CCDC102B: variants seen among roughly 807,000 people sequenced by gnomAD.
The protein encoded by CCDC102B is coiled-coil domain containing 102B, also known as coiled-coil domain-containing protein 102B.
A neutral mutation model predicts 57.4 loss-of-function variants in CCDC102B; 75 were observed. The observed-to-expected ratio is 1.31, with a 90% CI of 1.08 to 1.58. The LOEUF is 1.58. Ranked by LOEUF, CCDC102B falls within the 40% of genes most tolerant of loss-of-function variation. The pLI, the probability that CCDC102B is intolerant of heterozygous loss-of-function variation, is 0.00. For missense variants in CCDC102B, 636 were observed against 582.6 expected, an observed-to-expected ratio of 1.09 and a Z score of -0.94; for synonymous variants, 206 against 201.9, an observed-to-expected ratio of 1.02 and a Z score of -0.17.
chr18:68,874,461 AT>A (rs5825879), intron 4 of CCDC102B, among the ~76,000 whole-genome samples: 10 of 150,596 alleles, frequency 6.6e-5, no homozygotes, highest in Admixed American at 6.6e-4. Flanking sequence ...AGATTTGCTG[AT>A]TTTTTTTTAC....
intron 1 of CCDC102B, among the ~76,000 whole-genome samples, chr18:68,825,710 T>C (rs549782054): frequency 3.3e-5 from 5 of 152,116 alleles, no homozygotes; most frequent in Admixed American, 2.0e-4. Flanking sequence ...AATAAATAAA[T>C]AAATAAACAT....
chr18:68,790,885 T>C (rs1282541462), intron 2 of CCDC102B, among the ~76,000 whole-genome samples: 6 of 152,188 alleles, frequency 3.9e-5, no homozygotes, highest in Non-Finnish European at 8.8e-5. Context: ...GTTTTGTTTA[T>C]AGCTGCAATT....
intron 6 of CCDC102B, among the ~76,000 whole-genome samples, chr18:68,987,885 T>C (rs2050763843): frequency 6.6e-6 from 1 of 151,740 alleles, no homozygotes; most frequent in South Asian, 2.1e-4. Flanking sequence ...TACTAAAAAG[T>C]CAAAAAATAA....
intron 2 of CCDC102B, among the ~76,000 whole-genome samples, chr18:68,736,630 C>T (rs1256082484): frequency 6.6e-6 from 1 of 151,982 alleles, no homozygotes; most frequent in Non-Finnish European, 1.5e-5. Flanking sequence ...TACATCAGAT[C>T]CAGTTATTTA....
chr18:68,796,334 G>A (rs536969684), upstream of CCDC102B, among the ~76,000 whole-genome samples: 1 of 152,228 alleles, frequency 6.6e-6, no homozygotes, highest in East Asian at 1.9e-4. Flanking sequence ...TTTTCTTTGG[G>A]AAACTGTAAA....
At chr18:68,983,148 G>A (rs1046642889) in intron 6 of CCDC102B, among the ~76,000 whole-genome samples, 1 of 151,324 alleles carries the variant, frequency 6.6e-6, no homozygotes, top group South Asian at 2.1e-4. Context: ...ATCCTCAGGG[G>A]TGATTAAAAG....
intron 4 of CCDC102B, among the ~76,000 whole-genome samples, chr18:68,871,274 C>T (rs1568302167): frequency 6.6e-6 from 1 of 152,090 alleles, no homozygotes; most frequent in African/African-American, 2.4e-5. Flanking sequence ...CTGAGTAATT[C>T]ACCTTATAGA....
chr18:68,805,898 C>T (rs1042737744), intron 1 of CCDC102B, among the ~76,000 whole-genome samples: 23 of 152,138 alleles, frequency 1.5e-4, no homozygotes, highest in African/African-American at 5.3e-4. Context: ...TACCCATTCC[C>T]ATGCCAAGAC....
rs371454521 is a variant in CCDC102B at position 68,911,618 on chromosome 18, G to A, written c.1263+14190G>A. 1.9e-3 allele frequency among the ~76,000 whole-genome samples: 286 copies of A among 149,898 alleles called. 3 individuals are homozygous for A. The highest frequency in any genetic ancestry group is 6.9e-3 in the Middle Eastern group (2 of 290). The stretch of plus-strand genomic sequence containing the variant: ...ATACAAAAAATTAGCCGGGCGTGGT[G>A]GCGGGCGCCTGTAGTCCCAGCTACT... On this transcript the variant is annotated intron_variant, in intron 6 of 7. Transcript: ENST00000360242.
chr18:68,861,702 T>A (rs879573681), intron 4 of CCDC102B, among the ~76,000 whole-genome samples: 6 of 152,154 alleles, frequency 3.9e-5, no homozygotes, highest in Non-Finnish European at 7.4e-5. Context: ...AGATGTTAGT[T>A]TTCTTACAAG....
intron 6 of CCDC102B, among the ~76,000 whole-genome samples, chr18:68,924,662 G>A (rs1212425504): frequency 6.6e-6 from 1 of 152,102 alleles, no homozygotes; most frequent in Non-Finnish European, 1.5e-5. Flanking sequence ...GAATTTCTAT[G>A]TGAGGGGAGA....
chr18:68,746,925 C>G (rs1452838165), intron 2 of CCDC102B, among the ~76,000 whole-genome samples: 2 of 151,786 alleles, frequency 1.3e-5, no homozygotes. Flanking sequence ...AACATAAGAT[C>G]TATATTTATT....
intron 6 of CCDC102B, among the ~76,000 whole-genome samples, chr18:68,934,971 T>C (rs1200097605): frequency 6.6e-6 from 1 of 151,902 alleles, no homozygotes; most frequent in East Asian, 1.9e-4. Flanking sequence ...GATATTTGGG[T>C]AGGTGGCGGT....
intron 6 of CCDC102B, among the ~76,000 whole-genome samples, chr18:68,920,774 C>G (rs2145107014): frequency 6.6e-6 from 1 of 152,246 alleles, no homozygotes; most frequent in Middle Eastern, 3.4e-3. Flanking sequence ...CTTATAAAAT[C>G]ATGAACTCAC....
chr18:68,955,085 G>T (rs1274001343), intron 6 of CCDC102B, among the ~76,000 whole-genome samples: 1 of 152,128 alleles, frequency 6.6e-6, no homozygotes, highest in Non-Finnish European at 1.5e-5. Flanking sequence ...AAATGACAAT[G>T]ATGGCTACAA....
chr18:68,892,905 A>T (rs1397416995), intron 5 of CCDC102B, among the ~76,000 whole-genome samples: 2 of 152,174 alleles, frequency 1.3e-5, no homozygotes, highest in Non-Finnish European at 2.9e-5. Flanking sequence ...CTCATATCTC[A>T]ATTACAGGGA....
Position 68,838,846 on chromosome 18 carries a change from T to C in CCDC102B, c.747T>C (p.Pro249=). The change falls in exon 3 of 8, where the codon CCT becomes CCC. Residue 249 remains proline (P), a synonymous_variant. Transcript: ENST00000360242. Reference sequence around the variant, plus strand: ...TGAGACTGAAAGCAATAAATCTGCCTTTGGAAAATGAAGTAACTGAAATTT... The same window carrying C: ...TGAGACTGAAAGCAATAAATCTGCCCTTGGAAAATGAAGTAACTGAAATTT... ...TGLRLKAINL[P]LENEVTEISA... is the part of the protein sequence containing the mutation. 2 of 1,614,026 alleles carry C rather than the reference T, an allele frequency of 1.2e-6. No individual in the cohort carries two copies. The highest frequency in any genetic ancestry group is 1.7e-6 in the Non-Finnish European group (2 of 1,179,960).
At chr18:68,741,667 TCACACACACACACACACACA>T (rs60407642) in intron 2 of CCDC102B, among the ~76,000 whole-genome samples, 123 of 140,370 alleles carry the variant, frequency 8.8e-4, no homozygotes, top group Non-Finnish European at 1.4e-3. Flanking sequence ...TGAAGACTGG[TCACACACACACACACACACA>T]CACACACACA....
chr18:68,910,730 A>G (rs1215628044), intron 6 of CCDC102B, among the ~76,000 whole-genome samples: 1 of 152,200 alleles, frequency 6.6e-6, no homozygotes, highest in Non-Finnish European at 1.5e-5. Flanking sequence ...GAAGTCAACA[A>G]TTGGCTCTTT....
Sources: allele counts gnomAD v4.1 joint callset (sites outside exome capture counted in the v4.1 genomes callset), GRCh38; gene constraint gnomAD v4.1.1; transcripts MANE v1.5; gene names NCBI Gene and HGNC (gene_info 2026-07-23, HGNC 2026-07-21).